Variants in ELP4 observed in about 807,000 individuals in gnomAD.
The protein encoded by ELP4 is elongator complex protein 4.
Under a neutral mutation model 48.9 loss-of-function variants are expected in ELP4, and 51 were observed. That is an observed-to-expected ratio of 1.04 (90% CI 0.83 to 1.32). The LOEUF (loss-of-function observed/expected upper bound fraction) is 1.32, where lower values mean the gene tolerates loss of function less well. Among genes scored for constraint, ELP4 ranks in the 40% most tolerant of loss-of-function variants. The pLI is 0.00. For missense variants in ELP4, 519 were observed against 514.6 expected (o/e 1.01, Z -0.08); for synonymous variants, 210 against 189.2 (o/e 1.11, Z -0.90).
At chr11:31,548,440 A>T (rs1303107787) in intron 3 of ELP4, among the ~76,000 whole-genome samples, 8 of 151,862 alleles carry the variant, frequency 5.3e-5, no homozygotes. Flanking sequence ...GATGTGAAGG[A>T]CCTCTTCAAG....
At chr11:31,617,979 A>C (rs1302721910) in intron 5 of ELP4, among the ~76,000 whole-genome samples, 4 of 152,062 alleles carry the variant, frequency 2.6e-5, no homozygotes, top group Non-Finnish European at 5.9e-5. Context: ...CCCCAAGAGG[A>C]TTAAAACAGA....
chr11:31,529,678 T>C (rs1451122080), intron 2 of ELP4, among the ~76,000 whole-genome samples: 1 of 152,192 alleles, frequency 6.6e-6, no homozygotes, highest in African/African-American at 2.4e-5. Context: ...GACTATTACC[T>C]GTTTCTCATA....
chr11:31,539,625 G>T, intron 2 of ELP4, 37 bp from the exon 3 acceptor site: 1 of 1,564,558 alleles, frequency 6.4e-7, no homozygotes, highest in South Asian at 1.2e-5. Context: ...TTCTTTTCTT[G>T]CTATATGTTT....
intron 9 of ELP4, among the ~76,000 whole-genome samples, chr11:31,765,951 C>A (rs1176032095): frequency 6.6e-6 from 1 of 151,904 alleles, no homozygotes. Flanking sequence ...ACTTATTTCT[C>A]TTTTTACAAA....
chr11:31,642,487 G>A (rs1396991437), intron 7 of ELP4, among the ~76,000 whole-genome samples: 1 of 151,726 alleles, frequency 6.6e-6, no homozygotes, highest in African/African-American at 2.4e-5. Flanking sequence ...ATCAAGGTTA[G>A]GAATATTTGC....
intron 3 of ELP4, among the ~76,000 whole-genome samples, chr11:31,546,088 A>G (rs1348889712): frequency 1.3e-5 from 2 of 152,132 alleles, no homozygotes; most frequent in African/African-American, 2.4e-5. Flanking sequence ...AACGAGCAAA[A>G]TAACCAGCTA....
chr11:31,588,690 TA>T (rs1402363854), intron 3 of ELP4, among the ~76,000 whole-genome samples: 1 of 152,164 alleles, frequency 6.6e-6, no homozygotes, highest in Non-Finnish European at 1.5e-5. Flanking sequence ...TGCAGTAAAA[TA>T]ACATATTAAG....
intron 3 of ELP4, 55 bp downstream of exon 3, chr11:31,539,838 G>C: frequency 6.9e-7 from 1 of 1,447,634 alleles, no homozygotes. Context: ...AAAAAATATT[G>C]TTTATATATG....
chr11:31,513,657 C>G (rs940485997), intron 1 of ELP4, among the ~76,000 whole-genome samples: 1 of 151,924 alleles, frequency 6.6e-6, no homozygotes, highest in African/African-American at 2.4e-5. Context: ...CCTCATTTAC[C>G]CAAAATGTAT....
At chr11:31,604,411 C>T (rs1565075758) in intron 5 of ELP4, among the ~76,000 whole-genome samples, 1 of 151,670 alleles carries the variant, frequency 6.6e-6, no homozygotes, top group Non-Finnish European at 1.5e-5. Flanking sequence ...ATAAAACAAT[C>T]TGCATAATTT....
Position 31,509,826 on chromosome 11 carries a change from T to G in ELP4, c.42T>G (p.Thr14=), listed in dbSNP as rs1197413232. Residue 14 remains threonine, a synonymous_variant, in exon 1 of 10, where the codon ACT becomes ACG. Transcript: ENST00000640961. ...CCTGCGGTAGTGTTGCCGCGAGTACTGGGTCTGCAGTGGCGACAGCCAGCA... is the reference window on the plus strand; with the variant it reads ...CCTGCGGTAGTGTTGCCGCGAGTACGGGGTCTGCAGTGGCGACAGCCAGCA... ...VATCGSVAAS[T]GSAVATASKS... The G allele has an allele frequency of 2.5e-6, 4 of 1,614,014 alleles. No individual in the cohort carries two copies. The highest frequency in any genetic ancestry group is 3.4e-6 in the Non-Finnish European group (4 of 1,180,034).
Position 31,790,097 on chromosome 11 carries a change from CAAAAAAAAAAAA to C in ELP4, c.*6585_*6596del. On this transcript the variant is annotated 3_prime_UTR_variant, in exon 10 of 10. Coordinates refer to ENST00000640961, the MANE Select transcript of ELP4 (RefSeq NM_019040.5). ...CATGGAATACAAATTTATAGGTTTA[CAAAAAAAAAAAA>C]AAAAAAAAAAACTAATACTTTCTAA... 6 of 144,184 alleles carry C rather than the reference CAAAAAAAAAAAA, an allele frequency of 4.2e-5. No individual in the cohort carries two copies. The highest frequency in any genetic ancestry group is 2.4e-3 in the Middle Eastern group (1 of 414). The allele number at this position is 144,184 out of a possible 1,614,324, so 8.9% of individuals were successfully genotyped here. A position where few individuals can be genotyped will look rare whatever the true frequency, so the allele number is the denominator to read the frequency against.
intron 9 of ELP4, among the ~76,000 whole-genome samples, chr11:31,735,074 C>A (rs1305073973): frequency 4.6e-5 from 7 of 150,742 alleles, no homozygotes; most frequent in Non-Finnish European, 7.4e-5. Context: ...GGTGAACTGA[C>A]TTTTGACAAA....
At chr11:31,564,802 A>C (rs962327905) in intron 3 of ELP4, among the ~76,000 whole-genome samples, 2 of 152,154 alleles carry the variant, frequency 1.3e-5, no homozygotes, top group African/African-American at 4.8e-5. Flanking sequence ...GGTTGGTTCC[A>C]AGTCTTTGCT....
At chr11:31,598,096 C>T (rs1957708407) in intron 4 of ELP4, among the ~76,000 whole-genome samples, 1 of 151,472 alleles carries the variant, frequency 6.6e-6, no homozygotes, top group Non-Finnish European at 1.5e-5. Flanking sequence ...GCTGGGATTA[C>T]AGATGCACAC....
At chr11:31,713,457 A>G (rs998315554) in intron 9 of ELP4, among the ~76,000 whole-genome samples, 7 of 152,198 alleles carry the variant, frequency 4.6e-5, no homozygotes, top group African/African-American at 1.7e-4. Context: ...ATGATTATAC[A>G]AACAATTGAC....
rs895412416 is a variant in ELP4, at chr11:31,695,965, A to G, written c.1143+45744A>G. Reference sequence around the variant, plus strand: ...CTAGTTTATTTGTGTAGAGGTGTTTATAGTATTCTCTGATGGTAGTTTGTA... The same window carrying G: ...CTAGTTTATTTGTGTAGAGGTGTTTGTAGTATTCTCTGATGGTAGTTTGTA... On this transcript the variant is annotated intron_variant, in intron 9 of 9. Transcript: ENST00000640961. Among the ~76,000 whole-genome samples, 10 of 151,898 alleles carry G rather than the reference A, an allele frequency of 6.6e-5. 1 individual carries two copies. The highest frequency in any genetic ancestry group is 5.9e-4 in the Admixed American group (9 of 15,220).
intron 9 of ELP4, among the ~76,000 whole-genome samples, chr11:31,672,348 A>C (rs1158792438): frequency 6.6e-6 from 1 of 152,208 alleles, no homozygotes; most frequent in East Asian, 1.9e-4. Flanking sequence ...TTTTTAAAAA[A>C]TGGAGTGGTC....
At chr11:31,515,733 GATACCTCTACTTGGTA>G (rs1167838471) in intron 1 of ELP4, among the ~76,000 whole-genome samples, 4 of 152,118 alleles carry the variant, frequency 2.6e-5, no homozygotes, top group African/African-American at 9.7e-5. Context: ...TTCTGGGCCA[GATACCTCTACTTGGTA>G]ATCACTTCAT....
Sources: allele counts gnomAD v4.1 joint callset (sites outside exome capture counted in the v4.1 genomes callset), GRCh38; gene constraint gnomAD v4.1.1; transcripts MANE v1.5; gene names NCBI Gene and HGNC (gene_info 2026-07-23, HGNC 2026-07-21).